Variants in TEC observed in about 807,000 individuals in gnomAD.
The protein encoded by TEC is tyrosine-protein kinase Tec.
In TEC, 72 loss-of-function variants were observed where a neutral mutation model predicts 93.0. The observed-to-expected ratio is 0.77, with a 90% confidence interval of 0.64 to 0.94. The LOEUF is 0.94. Among genes scored for constraint, TEC ranks in the 40% least tolerant of loss-of-function variants. The pLI is 0.00. For synonymous variants in TEC, 249 were observed against 247.7 expected (o/e 1.01, Z -0.05); for missense variants, 630 against 757.9 (o/e 0.83, Z 1.98).
At chr4:48,207,558 A>G (rs2664036) in intron 2 of TEC, among the ~76,000 whole-genome samples, 21,376 of 148,500 alleles carry the variant, frequency 0.14, 2,110 homozygotes, top group East Asian at 0.32. Context: ...GAGGCAGGAG[A>G]GTCACTTGAG....
intron 15 of TEC, 87 bp from the exon 16 acceptor site, chr4:48,139,109 A>G: frequency 2.5e-6 from 3 of 1,178,386 alleles, no homozygotes; most frequent in Non-Finnish European, 3.7e-6. Flanking sequence ...CCTTGCAATC[A>G]AAAACACAGT....
intron 8 of TEC, among the ~76,000 whole-genome samples, chr4:48,157,665 G>A (rs1356989021): frequency 3.3e-5 from 5 of 152,078 alleles, no homozygotes; most frequent in Non-Finnish European, 2.9e-5. Flanking sequence ...ATAGGCATGC[G>A]CCACCACACC....
chr4:48,224,697 T>G (rs2109632374), intron 2 of TEC, among the ~76,000 whole-genome samples: 1 of 152,344 alleles, frequency 6.6e-6, no homozygotes, highest in East Asian at 1.9e-4. Context: ...GAAACTGAAA[T>G]GCAAGTTTTG....
chr4:48,204,532 G>A (rs1722638692), intron 2 of TEC, among the ~76,000 whole-genome samples: 1 of 152,180 alleles, frequency 6.6e-6, no homozygotes. Context: ...ATAAATGACA[G>A]TCATGAGTAC....
intron 17 of TEC, among the ~76,000 whole-genome samples, chr4:48,137,845 T>C (rs1318958891): frequency 2.0e-5 from 3 of 152,202 alleles, no homozygotes; most frequent in Admixed American, 6.5e-5. Context: ...ATCCCTCACA[T>C]GGGCTGTCTG....
chr4:48,161,481 G>C (rs544023066), intron 8 of TEC, among the ~76,000 whole-genome samples: 21 of 152,072 alleles, frequency 1.4e-4, no homozygotes, highest in Middle Eastern at 3.4e-3. Flanking sequence ...CTAGGTTACT[G>C]ATAACACTAG....
At chr4:48,240,256 A>G (rs536230544) in intron 1 of TEC, among the ~76,000 whole-genome samples, 1 of 152,294 alleles carries the variant, frequency 6.6e-6, no homozygotes, top group East Asian at 1.9e-4. Flanking sequence ...ACATATTTAC[A>G]GGAATAACAT....
At position 48,149,681 on chromosome 4, in the gene TEC, T is replaced by C. The variant is rs760203479; in HGVS notation, c.882A>G (p.Ser294=). Reference sequence around the variant, plus strand: ...TTATATGATAATGCCTAAAACCCGATGAACCTTCTCTAGAACAAAAATCAA... The same window carrying C: ...TTATATGATAATGCCTAAAACCCGACGAACCTTCTCTAGAACAAAAATCAA... The part of the protein sequence containing the change: ...SLYTKFGGEG[S]SGFRHYHIKE... The change falls in exon 11 of 18, where the codon TCA becomes TCG. Residue 294 remains serine, a synonymous_variant. Transcript: ENST00000381501. 9.7e-5 allele frequency: 156 copies of C among 1,604,728 alleles called. No homozygotes were observed. Among genetic ancestry groups the C allele is most frequent in the Non-Finnish European group, 1.2e-4 (144 of 1,177,326 alleles).
At chr4:48,203,279 C>T (rs768448975) in intron 2 of TEC, among the ~76,000 whole-genome samples, 3 of 150,628 alleles carry the variant, frequency 2.0e-5, no homozygotes, top group South Asian at 2.1e-4. Flanking sequence ...GCATGAGAAT[C>T]GCTTTAGCCT....
chr4:48,228,491 C>G lies in TEC; in HGVS notation c.124G>C (p.Glu42Gln). 2.5e-6 allele frequency: 4 copies of G among 1,607,876 alleles called. No individual in the cohort carries two copies. The highest frequency in any genetic ancestry group is 3.4e-6 in the Non-Finnish European group (4 of 1,178,658). ...VLTKSMLTYY[E>Q]GRAEKKYRKG... is the part of the protein sequence containing the mutation. ...TTGTCTCTTACCTCTGCTCGACCCT[C>G]ATAGTAGGTTAGCATGGACTTTGTA... Residue 42 changes from glutamate to glutamine, a missense_variant, in exon 2 of 18, where the codon GAG becomes CAG. Glu to Gln is a conservative substitution (Grantham distance 29). Transcript: ENST00000381501.
intron 9 of TEC, among the ~76,000 whole-genome samples, chr4:48,151,959 C>T (rs1215385762): frequency 6.6e-6 from 1 of 152,126 alleles, no homozygotes; most frequent in African/African-American, 2.4e-5. Flanking sequence ...AGTAACACTA[C>T]CATCAATCTC....
chr4:48,210,505 AG>A (rs933810266), intron 2 of TEC, among the ~76,000 whole-genome samples: 3 of 150,504 alleles, frequency 2.0e-5, no homozygotes, highest in Non-Finnish European at 4.5e-5. Context: ...ATGGAGGAGG[AG>A]GAGGAGGAGG....
At position 48,146,416 on chromosome 4, in the gene TEC, G is replaced by A. The variant is rs1719913343; in HGVS notation, c.1007-17C>T. 2 of 1,611,218 alleles carry A rather than the reference G, an allele frequency of 1.2e-6. No homozygotes were observed. The highest frequency in any genetic ancestry group is 1.7e-6 in the Non-Finnish European group (2 of 1,177,828). ...TGACAAGTCCTAATAATCAAAGAAA[G>A]CGTTGCAGTCAAACTCATTCATAAT... On this transcript the variant is annotated splice_polypyrimidine_tract_variant and intron_variant, in intron 11 of 17. Transcript: ENST00000381501.
At chr4:48,159,456 G>A (rs1418650663) in intron 8 of TEC, among the ~76,000 whole-genome samples, 1 of 151,966 alleles carries the variant, frequency 6.6e-6, no homozygotes, top group African/African-American at 2.4e-5. Context: ...GCAGTGGCAC[G>A]ATCTCGGCTC....
chr4:48,244,595 A>G (rs1011232359), intron 1 of TEC, among the ~76,000 whole-genome samples: 1 of 152,244 alleles, frequency 6.6e-6, no homozygotes, highest in Non-Finnish European at 1.5e-5. Context: ...TATCAAACCC[A>G]AAATGACTTC....
chr4:48,261,608 A>C (rs1724497967), intron 1 of TEC, among the ~76,000 whole-genome samples: 1 of 152,244 alleles, frequency 6.6e-6, no homozygotes, highest in Non-Finnish European at 1.5e-5. Context: ...GGATAAGAGA[A>C]GAAAAATCAA....
At chr4:48,236,527 C>G (rs1723790366) in intron 1 of TEC, among the ~76,000 whole-genome samples, 1 of 152,176 alleles carries the variant, frequency 6.6e-6, no homozygotes, top group Non-Finnish European at 1.5e-5. Context: ...CGTGATCCAC[C>G]CGTCGCGGCC....
intron 1 of TEC, among the ~76,000 whole-genome samples, chr4:48,237,771 C>T (rs1327118464): frequency 5.9e-5 from 9 of 152,198 alleles, no homozygotes; most frequent in Non-Finnish European, 1.0e-4. Flanking sequence ...TCACAAACTT[C>T]TACATCAGAA....
At chr4:48,248,233 A>G (rs1454747218) in intron 1 of TEC, among the ~76,000 whole-genome samples, 1 of 152,198 alleles carries the variant, frequency 6.6e-6, no homozygotes, top group Non-Finnish European at 1.5e-5. Flanking sequence ...TAATAAAAAC[A>G]TATTGTTTCT....
Sources: allele counts gnomAD v4.1 joint callset (sites outside exome capture counted in the v4.1 genomes callset), GRCh38; gene constraint gnomAD v4.1.1; transcripts MANE v1.5; gene names NCBI Gene and HGNC (gene_info 2026-07-23, HGNC 2026-07-21).